DOK6: variants seen among roughly 807,000 people sequenced by gnomAD.
DOK6 encodes downstream of tyrosine kinase 6.
In DOK6, 22 loss-of-function variants were observed where a neutral mutation model predicts 44.0. That is an observed-to-expected ratio of 0.50 (90% CI 0.36 to 0.71). The LOEUF is 0.71. DOK6 is among the 30% of genes least tolerant of loss of function. The probability of loss-of-function intolerance (pLI) is 0.00; values close to 1 mark genes in which losing one functional copy is unlikely to be tolerated. For missense variants in DOK6, 340 were observed against 416.4 expected (o/e 0.82, Z 1.60); for synonymous variants, 166 against 145.5 (o/e 1.14, Z -1.01).
At chr18:69,654,891 T>C (rs1169881254) in intron 3 of DOK6, among the ~76,000 whole-genome samples, 1 of 152,096 alleles carries the variant, frequency 6.6e-6, no homozygotes, top group Non-Finnish European at 1.5e-5. Flanking sequence ...GCCCCATCTC[T>C]ACAAAAGATA....
chr18:69,700,211 A>G (rs1011705869), intron 5 of DOK6, among the ~76,000 whole-genome samples: 4 of 125,922 alleles, frequency 3.2e-5, no homozygotes, highest in African/African-American at 1.2e-4. Flanking sequence ...TTTTACATAT[A>G]TATACATATA....
At chr18:69,673,760 T>G (rs1985860582) in intron 3 of DOK6, among the ~76,000 whole-genome samples, 1 of 152,242 alleles carries the variant, frequency 6.6e-6, no homozygotes, top group Non-Finnish European at 1.5e-5. Context: ...AGAGAAAAAG[T>G]TATTTACTCA....
chr18:69,564,351 T>C lies in DOK6; in HGVS notation c.67-136T>C, dbSNP rs972407397. The stretch of plus-strand genomic sequence containing the variant: ...ATCATATTTAAAAATACTGTAATCT[T>C]AATTAAGAACATGTTTGTCAATCAA... On this transcript the variant is annotated intron_variant, in intron 1 of 7. Transcript: ENST00000382713. 7.4e-6 allele frequency: 5 copies of C among 672,868 alleles called. No homozygotes were observed. The African/African-American group carries it at 7.6e-5, about 10-fold the overall frequency. The allele number at this position is 672,868 out of a possible 1,614,324, so 41.7% of individuals were successfully genotyped here.
intron 1 of DOK6, among the ~76,000 whole-genome samples, chr18:69,506,805 A>G (rs952626058): frequency 1.3e-5 from 2 of 151,972 alleles, no homozygotes; most frequent in East Asian, 3.9e-4. Flanking sequence ...CAGTATTATA[A>G]AAACTGCTAA....
intron 1 of DOK6, among the ~76,000 whole-genome samples, chr18:69,515,354 G>A (rs1981491813): frequency 6.6e-6 from 1 of 152,166 alleles, no homozygotes; most frequent in Non-Finnish European, 1.5e-5. Context: ...AGGTGAACAT[G>A]ACAATAAATT....
At chr18:69,448,181 C>T (rs1356715774) in intron 1 of DOK6, among the ~76,000 whole-genome samples, 1 of 152,178 alleles carries the variant, frequency 6.6e-6, no homozygotes. Flanking sequence ...ACTGATGCAG[C>T]AAATTCTTAC....
intron 1 of DOK6, among the ~76,000 whole-genome samples, chr18:69,507,423 T>C (rs902227343): frequency 6.6e-6 from 1 of 152,198 alleles, no homozygotes. Context: ...AATTCCCTTG[T>C]CTTCTCATAT....
chr18:69,834,897 G>A (rs1981999755), intron 7 of DOK6, among the ~76,000 whole-genome samples: 1 of 152,136 alleles, frequency 6.6e-6, no homozygotes, highest in Non-Finnish European at 1.5e-5. Flanking sequence ...TGCATGGCTG[G>A]GGAGGCCTCA....
chr18:69,741,780 A>AC (rs1978807847), intron 6 of DOK6, among the ~76,000 whole-genome samples: 1 of 152,184 alleles, frequency 6.6e-6, no homozygotes, highest in Non-Finnish European at 1.5e-5. Context: ...TACAGGCATG[A>AC]CCACCATGCC....
chr18:69,764,612 T>C (rs1438197304), intron 7 of DOK6, among the ~76,000 whole-genome samples: 1 of 152,188 alleles, frequency 6.6e-6, no homozygotes, highest in Non-Finnish European at 1.5e-5. Flanking sequence ...TCCTGAGGCC[T>C]TCCCAGCCAT....
At chr18:69,670,940 T>TA (rs1326472848) in intron 3 of DOK6, among the ~76,000 whole-genome samples, 2 of 152,222 alleles carry the variant, frequency 1.3e-5, no homozygotes, top group African/African-American at 4.8e-5. Context: ...TTGTAATTTT[T>TA]AAAAAATATC....
intron 7 of DOK6, among the ~76,000 whole-genome samples, chr18:69,773,658 C>G (rs1265314554): frequency 1.3e-5 from 2 of 151,880 alleles, no homozygotes. Flanking sequence ...AAGCAGGGAA[C>G]AGAATGTGCT....
At chr18:69,440,360 T>G (rs973976315) in intron 1 of DOK6, among the ~76,000 whole-genome samples, 10 of 152,152 alleles carry the variant, frequency 6.6e-5, no homozygotes, top group African/African-American at 2.2e-4. Context: ...GAGCACATGC[T>G]GTTGGAAAAA....
intron 3 of DOK6, among the ~76,000 whole-genome samples, chr18:69,657,880 G>A (rs959085334): frequency 2.2e-4 from 34 of 152,160 alleles, no homozygotes; most frequent in African/African-American, 7.9e-4. Flanking sequence ...GAGTGGGTGG[G>A]TTTTTTGTTT....
At position 69,843,225 on chromosome 18, in the gene DOK6, C is replaced by G. The variant is rs1982274224; in HGVS notation, c.*1842C>G. 1 of 152,246 alleles carries G rather than the reference C, an allele frequency of 6.6e-6. No individual in the cohort carries two copies. The highest frequency in any genetic ancestry group is 2.1e-4 in the South Asian group (1 of 4,834). The allele number at this position is 152,246 out of a possible 1,614,324, so 9.4% of individuals were successfully genotyped here. A position where few individuals can be genotyped will look rare whatever the true frequency, so the allele number is the denominator to read the frequency against. ...ATAAAAAGAAAATTACCCAGGTTCT[C>G]TGCACTGTGAATTTTGCTGACACAG... On this transcript the variant is annotated 3_prime_UTR_variant, in exon 8 of 8. Coordinates refer to ENST00000382713, the MANE Select transcript of DOK6 (RefSeq NM_152721.6).
intron 5 of DOK6, among the ~76,000 whole-genome samples, chr18:69,735,821 A>T (rs1388574403): frequency 6.6e-6 from 1 of 152,244 alleles, no homozygotes; most frequent in Non-Finnish European, 1.5e-5. Context: ...CAGAAATCAA[A>T]TCCCAGAAGC....
At chr18:69,786,638 T>C (rs1481175419) in intron 7 of DOK6, among the ~76,000 whole-genome samples, 1 of 152,220 alleles carries the variant, frequency 6.6e-6, no homozygotes, top group East Asian at 1.9e-4. Flanking sequence ...ATACAATGTA[T>C]AGTTTCAAAA....
intron 3 of DOK6, among the ~76,000 whole-genome samples, chr18:69,632,458 T>C (rs1984710968): frequency 6.6e-6 from 1 of 152,162 alleles, no homozygotes; most frequent in African/African-American, 2.4e-5. Flanking sequence ...ACTTCTAAAT[T>C]CTAGGATTAA....
chr18:69,645,265 A>AC (rs1274106062), intron 3 of DOK6, among the ~76,000 whole-genome samples: 40 of 152,310 alleles, frequency 2.6e-4, no homozygotes, highest in African/African-American at 9.1e-4. Flanking sequence ...AGGTGCATGC[A>AC]CCACACTCCT....
Sources: allele counts gnomAD v4.1 joint callset (sites outside exome capture counted in the v4.1 genomes callset), GRCh38; gene constraint gnomAD v4.1.1; transcripts MANE v1.5; gene names NCBI Gene and HGNC (gene_info 2026-07-23, HGNC 2026-07-21).